Variants in GLIS3 observed in about 807,000 individuals in gnomAD.
GLIS3 encodes the protein GLIS family zinc finger 3, also known as zinc finger protein GLIS3.
In GLIS3, 53 loss-of-function variants were observed where a neutral mutation model predicts 78.6. That is an observed-to-expected ratio of 0.67 (90% CI 0.54 to 0.85). The LOEUF (loss-of-function observed/expected upper bound fraction) is 0.85. GLIS3 is among the 40% of genes least tolerant of loss of function. The pLI, the probability that GLIS3 is intolerant of heterozygous loss-of-function variation, is 0.00. For missense variants in GLIS3, 1,703 were observed against 1,231.1 expected, an observed-to-expected ratio of 1.38 and a Z score of -5.74; for synonymous variants, 684 against 509.9, an observed-to-expected ratio of 1.34 and a Z score of -4.60.
chr9:4,032,963 GC>G (rs1823976446), intron 4 of GLIS3, among the ~76,000 whole-genome samples: 1 of 151,794 alleles, frequency 6.6e-6, no homozygotes, highest in Admixed American at 6.6e-5. Context: ...ACACCATTCT[GC>G]TGCCTCAGCC....
intron 2 of GLIS3, among the ~76,000 whole-genome samples, chr9:4,260,493 G>A (rs113975518): frequency 2.0e-5 from 3 of 151,928 alleles, no homozygotes; most frequent in Non-Finnish European, 4.4e-5. Flanking sequence ...CTTGAACTCG[G>A]GGGGCAGAGG....
chr9:4,391,519 C>G, the GLIS3 span, among the ~76,000 whole-genome samples: 347 of 151,596 alleles, frequency 2.3e-3, 1 homozygote, highest in African/African-American at 8.0e-3. Context: ...TAGTTTCTTC[C>G]TCATTGCTAG....
chr9:4,085,460 C>A (rs1278295734), intron 4 of GLIS3, among the ~76,000 whole-genome samples: 1 of 152,244 alleles, frequency 6.6e-6, no homozygotes, highest in Non-Finnish European at 1.5e-5. Context: ...CCACTGCCAC[C>A]CTCTCATTTT....
intron 2 of GLIS3, among the ~76,000 whole-genome samples, chr9:4,217,930 T>C (rs150396708): frequency 1.1e-4 from 17 of 152,230 alleles, no homozygotes; most frequent in African/African-American, 1.9e-4. Context: ...CTTACAAACA[T>C]ATGGGACTTA....
chr9:4,208,240 T>A lies in GLIS3; in HGVS notation c.388+77798A>T, dbSNP rs1422467937. ...TTTATACGACAACAAGTAGACATTCTCCCCAAGTTAAATGACAAAGGAGAT... is the reference window on the plus strand; with the variant it reads ...TTTATACGACAACAAGTAGACATTCACCCCAAGTTAAATGACAAAGGAGAT... On this transcript the variant is annotated intron_variant, in intron 2 of 10. Transcript: ENST00000381971. Among the ~76,000 whole-genome samples, 9 of 152,308 alleles carry A rather than the reference T, an allele frequency of 5.9e-5. No individual in the cohort carries two copies. The East Asian group carries it at 1.7e-3, about 29-fold the overall frequency.
chr9:4,453,679 T>G, the GLIS3 span, among the ~76,000 whole-genome samples: 2 of 152,140 alleles, frequency 1.3e-5, no homozygotes, highest in African/African-American at 4.8e-5. Flanking sequence ...TAAACAAGGA[T>G]GAGTTCATGT....
chr9:4,385,102 T>C, the GLIS3 span, among the ~76,000 whole-genome samples: 12 of 152,152 alleles, frequency 7.9e-5, no homozygotes, highest in Non-Finnish European at 1.5e-4. Flanking sequence ...AAAGGAAAAA[T>C]CTAACACTCC....
At chr9:4,037,450 A>T (rs190538966) in intron 4 of GLIS3, among the ~76,000 whole-genome samples, 6 of 152,284 alleles carry the variant, frequency 3.9e-5, no homozygotes. Context: ...GGCATATAAT[A>T]AATGTTATAC....
intron 2 of GLIS3, among the ~76,000 whole-genome samples, chr9:4,245,532 C>G (rs1298801465): frequency 6.6e-6 from 1 of 152,136 alleles, no homozygotes; most frequent in Non-Finnish European, 1.5e-5. Context: ...ATGCGAAGAG[C>G]TATATAAATG....
the GLIS3 span, among the ~76,000 whole-genome samples, chr9:4,468,721 G>C: frequency 2.0e-5 from 3 of 152,188 alleles, no homozygotes; most frequent in African/African-American, 7.2e-5. Flanking sequence ...GGAAGAAACT[G>C]CATCAAATAA....
chr9:4,317,767 A>G (rs1817462903), intron 2 of GLIS3, among the ~76,000 whole-genome samples: 1 of 152,162 alleles, frequency 6.6e-6, no homozygotes, highest in South Asian at 2.1e-4. Context: ...CTCAGAATTT[A>G]TTTACTGTTC....
chr9:4,471,604 T>C, the GLIS3 span, among the ~76,000 whole-genome samples: 1 of 152,164 alleles, frequency 6.6e-6, no homozygotes, highest in Admixed American at 6.5e-5. Context: ...CAAAAATTAA[T>C]TCAAGATGGA....
At chr9:3,835,100 A>ATC (rs1818270862) in intron 9 of GLIS3, among the ~76,000 whole-genome samples, 2 of 152,334 alleles carry the variant, frequency 1.3e-5, no homozygotes, top group South Asian at 4.1e-4. Context: ...GGGATAAGTC[A>ATC]TGATCTGTGT....
chr9:4,093,610 T>TA (rs1383425314), intron 4 of GLIS3, among the ~76,000 whole-genome samples: 1 of 152,170 alleles, frequency 6.6e-6, no homozygotes, highest in Non-Finnish European at 1.5e-5. Flanking sequence ...CTTCTAGTGG[T>TA]ATGATAAGGG....
At chr9:4,034,233 G>A (rs931429329) in intron 4 of GLIS3, among the ~76,000 whole-genome samples, 2 of 151,848 alleles carry the variant, frequency 1.3e-5, no homozygotes, top group African/African-American at 4.8e-5. Context: ...AAAAAAAGTC[G>A]TAACAGATCC....
chr9:4,453,187 T>A, the GLIS3 span, among the ~76,000 whole-genome samples: 3 of 152,018 alleles, frequency 2.0e-5, no homozygotes, highest in Non-Finnish European at 4.4e-5. Context: ...ACTTAAATGT[T>A]AGACCTAAAA....
intron 9 of GLIS3, among the ~76,000 whole-genome samples, chr9:3,835,740 C>T (rs952452047): frequency 1.3e-5 from 2 of 152,240 alleles, no homozygotes; most frequent in African/African-American, 4.8e-5. Flanking sequence ...ACACAGTTCA[C>T]ACCCTATAAC....
At chr9:4,035,386 C>A (rs1824213513) in intron 4 of GLIS3, among the ~76,000 whole-genome samples, 1 of 151,688 alleles carries the variant, frequency 6.6e-6, no homozygotes, top group African/African-American at 2.4e-5. Flanking sequence ...CCAACTGGAT[C>A]CCTGCATGTT....
intron 4 of GLIS3, among the ~76,000 whole-genome samples, chr9:4,073,781 T>G (rs1260450337): frequency 6.6e-6 from 1 of 152,068 alleles, no homozygotes. Flanking sequence ...GGTATAATAA[T>G]GAGTTACTAG....
Sources: gnomAD v4.1 joint callset for allele counts (sites outside exome capture counted in the v4.1 genomes callset) on GRCh38, gnomAD v4.1.1 for gene constraint, MANE v1.5 for transcripts, NCBI Gene and HGNC (gene_info 2026-07-23, HGNC 2026-07-21) for gene names.